The following GUCY1A2 variants were observed in gnomAD, a reference collection of about 807,000 sequenced individuals.
GUCY1A2 encodes guanylate cyclase soluble subunit alpha-2.
Under a neutral mutation model 63.5 loss-of-function variants are expected in GUCY1A2, and 27 were observed. The observed-to-expected ratio is 0.43, with a 90% confidence interval of 0.31 to 0.59. The LOEUF (loss-of-function observed/expected upper bound fraction) is 0.59, where lower values mean the gene tolerates loss of function less well. Among genes scored for constraint, GUCY1A2 ranks in the 20% least tolerant of loss-of-function variants. The pLI is 0.11. For missense variants in GUCY1A2, 768 were observed against 913.3 expected (o/e 0.84, Z 2.05); for synonymous variants, 364 against 343.5 (o/e 1.06, Z -0.66).
intron 4 of GUCY1A2, among the ~76,000 whole-genome samples, chr11:106,895,445 A>C (rs4335514): frequency 6.6e-6 from 1 of 152,112 alleles, no homozygotes; most frequent in African/African-American, 2.4e-5. Flanking sequence ...CCATGTGTCA[A>C]GGAAGGGACC....
chr11:107,017,619 A>T, intron 1 of GUCY1A2, 134 bp downstream of exon 1: 1 of 417,590 alleles, frequency 2.4e-6, no homozygotes, highest in Non-Finnish European at 4.1e-6. Flanking sequence ...CTGGAACCCT[A>T]GGCCGTGCAG....
chr11:106,887,974 T>C (rs4483563), intron 4 of GUCY1A2, among the ~76,000 whole-genome samples: 106,266 of 151,950 alleles, frequency 0.7, 37,635 homozygotes, highest in Non-Finnish European at 0.76. Context: ...GAGTCCTACC[T>C]AGTTCTTTAC....
intron 5 of GUCY1A2, among the ~76,000 whole-genome samples, chr11:106,796,028 C>G (rs1019696698): frequency 9.2e-5 from 14 of 152,136 alleles, no homozygotes; most frequent in Admixed American, 9.2e-4. Flanking sequence ...ATAGTTAGCT[C>G]TTCTTGTTGA....
At chr11:106,693,463 T>C (rs1862661141) in intron 7 of GUCY1A2, among the ~76,000 whole-genome samples, 1 of 152,174 alleles carries the variant, frequency 6.6e-6, no homozygotes, top group Non-Finnish European at 1.5e-5. Flanking sequence ...GCTAAGTGCA[T>C]CTTTTTTATT....
At chr11:106,813,171 T>C (rs1858787115) in intron 4 of GUCY1A2, among the ~76,000 whole-genome samples, 1 of 151,982 alleles carries the variant, frequency 6.6e-6, no homozygotes, top group South Asian at 2.1e-4. Context: ...TCTTACATCA[T>C]ATTGAAGTTT....
chr11:106,806,523 T>G (rs1048796163), intron 5 of GUCY1A2, among the ~76,000 whole-genome samples: 2 of 152,212 alleles, frequency 1.3e-5, no homozygotes, highest in African/African-American at 4.8e-5. Flanking sequence ...GCCATTATTA[T>G]TGTTACTATT....
chr11:106,886,536 T>C (rs2135475167), intron 4 of GUCY1A2, among the ~76,000 whole-genome samples: 1 of 152,324 alleles, frequency 6.6e-6, no homozygotes, highest in Middle Eastern at 3.4e-3. Context: ...TATATGTATT[T>C]GTATACACAT....
chr11:106,955,941 C>T (rs763460136), intron 3 of GUCY1A2, among the ~76,000 whole-genome samples: 13 of 152,082 alleles, frequency 8.5e-5, no homozygotes, highest in Non-Finnish European at 1.3e-4. Context: ...TCCAATCAAT[C>T]GCAGATTCTG....
At chr11:106,914,484 CTA>C (rs1364802500) in intron 4 of GUCY1A2, among the ~76,000 whole-genome samples, 4 of 151,956 alleles carry the variant, frequency 2.6e-5, no homozygotes, top group Admixed American at 6.6e-5. Context: ...CTTGGTGTTT[CTA>C]TGTTTGATTT....
intron 3 of GUCY1A2, among the ~76,000 whole-genome samples, chr11:106,951,807 T>A (rs1860913090): frequency 6.6e-6 from 1 of 152,256 alleles, no homozygotes; most frequent in African/African-American, 2.4e-5. Context: ...ATGAAGTCTT[T>A]GCCCATGCCA....
chr11:106,786,110 T>C (rs1021885287), intron 5 of GUCY1A2, among the ~76,000 whole-genome samples: 1 of 152,146 alleles, frequency 6.6e-6, no homozygotes. Context: ...AGGCATTCAA[T>C]GATCCAAAGA....
At chr11:107,006,941 C>G (rs1861679057) in intron 1 of GUCY1A2, among the ~76,000 whole-genome samples, 1 of 152,118 alleles carries the variant, frequency 6.6e-6, no homozygotes, top group South Asian at 2.1e-4. Flanking sequence ...ATGTTTGATT[C>G]ACCAGAACGA....
chr11:107,007,551 C>G (rs1007532368), intron 1 of GUCY1A2, among the ~76,000 whole-genome samples: 1 of 152,120 alleles, frequency 6.6e-6, no homozygotes, highest in Non-Finnish European at 1.5e-5. Context: ...TGCTTTATAC[C>G]TCTGCATGTC....
chr11:106,992,433 G>A (rs1162700788), intron 1 of GUCY1A2, among the ~76,000 whole-genome samples: 2 of 149,294 alleles, frequency 1.3e-5, no homozygotes, highest in Non-Finnish European at 3.0e-5. Context: ...GGGTTCAAGC[G>A]ATTCTCCTGC....
At chr11:106,754,278 A>G (rs1420862062) in intron 6 of GUCY1A2, among the ~76,000 whole-genome samples, 1 of 152,158 alleles carries the variant, frequency 6.6e-6, no homozygotes, top group South Asian at 2.1e-4. Context: ...GGTTTTCTAA[A>G]TGTACAATCA....
chr11:106,709,486 T>G (rs1334476762), intron 6 of GUCY1A2, among the ~76,000 whole-genome samples: 1 of 83,348 alleles, frequency 1.2e-5, no homozygotes, highest in African/African-American at 4.8e-5. Context: ...TATTATATAT[T>G]TATATATATA....
At chr11:106,913,959 A>G (rs1331359669) in intron 4 of GUCY1A2, among the ~76,000 whole-genome samples, 2 of 143,942 alleles carry the variant, frequency 1.4e-5, no homozygotes, top group East Asian at 2.2e-4. Context: ...TTGTTGGGTC[A>G]TTGATTTCAA....
chr11:106,936,654 A>T lies in GUCY1A2; in HGVS notation c.1206+2806T>A, dbSNP rs920982961. ...CTGGAAGAGTTTTTTTCTAACCTCA[A>T]GACTGTTGAATCCTGCCACTGATAA... On this transcript the variant is annotated intron_variant, in intron 4 of 7. Transcript: ENST00000526355. 5.2e-6 allele frequency: 8 copies of T among 1,524,590 alleles called. No individual in the cohort carries two copies. In the African/African-American group the frequency reaches 1.1e-4, roughly 21 times the overall value. The allele number at this position is 1,524,590 out of a possible 1,614,324, so 94.4% of individuals were successfully genotyped here.
At chr11:106,789,799 T>A (rs570110867) in intron 5 of GUCY1A2, among the ~76,000 whole-genome samples, 29 of 152,270 alleles carry the variant, frequency 1.9e-4, no homozygotes, top group Admixed American at 9.2e-4. Flanking sequence ...CCCAGAAGAA[T>A]TATCTGGATT....
Sources: gnomAD v4.1 joint callset for allele counts (sites outside exome capture counted in the v4.1 genomes callset) on GRCh38, gnomAD v4.1.1 for gene constraint, MANE v1.5 for transcripts, NCBI Gene and HGNC (gene_info 2026-07-23, HGNC 2026-07-21) for gene names.